Variants in HDAC9 observed in about 807,000 individuals in gnomAD.
HDAC9 encodes MEF-2 interacting transcription repressor (MITR) protein.
In HDAC9, 41 loss-of-function variants were observed where a neutral mutation model predicts 139.4. That is an observed-to-expected ratio of 0.29 (90% confidence interval 0.23 to 0.38). The LOEUF (loss-of-function observed/expected upper bound fraction) is 0.38, where lower values mean the gene tolerates loss of function less well. Among genes scored for constraint, HDAC9 ranks in the 10% least tolerant of loss-of-function variants. The pLI, the probability that HDAC9 is intolerant of heterozygous loss-of-function variation, is 1.00. For synonymous variants in HDAC9, 517 were observed against 476.2 expected (o/e 1.09, Z -1.12); for missense variants, 1,147 against 1,297.0 (o/e 0.88, Z 1.78).
At chr7:18,966,029 GTAT>G (rs1446485780) in intron 24 of HDAC9, among the ~76,000 whole-genome samples, 1 of 152,168 alleles carries the variant, frequency 6.6e-6, no homozygotes, top group African/African-American at 2.4e-5. Flanking sequence ...TCTGAATGAA[GTAT>G]TATTATCTAT....
intron 2 of HDAC9, among the ~76,000 whole-genome samples, chr7:18,276,849 A>G (rs1403325024): frequency 6.6e-6 from 1 of 152,180 alleles, no homozygotes; most frequent in Non-Finnish European, 1.5e-5. Flanking sequence ...TATTTACTAA[A>G]TAAGTTTTCT....
At chr7:18,883,006 G>T (rs1266577786) in intron 22 of HDAC9, among the ~76,000 whole-genome samples, 1 of 152,092 alleles carries the variant, frequency 6.6e-6, no homozygotes, top group East Asian at 1.9e-4. Context: ...ATATCTGTTT[G>T]TATTCCTACT....
chr7:18,241,819 T>G (rs1352255868), intron 2 of HDAC9, among the ~76,000 whole-genome samples: 2 of 152,188 alleles, frequency 1.3e-5, no homozygotes, highest in East Asian at 3.8e-4. Context: ...GTAGTGGCAC[T>G]TGCTTCGTGA....
intron 12 of HDAC9, among the ~76,000 whole-genome samples, chr7:18,688,090 T>C (rs563816398): frequency 4.1e-4 from 63 of 151,954 alleles, no homozygotes; most frequent in African/African-American, 1.5e-3. Context: ...CACACACTTA[T>C]ATATGAGCTA....
intron 1 of HDAC9, among the ~76,000 whole-genome samples, chr7:18,385,403 A>G (rs902191917): frequency 1.3e-5 from 2 of 152,274 alleles, no homozygotes; most frequent in South Asian, 4.1e-4. Context: ...TTAGTATGCT[A>G]GTGAATGTAG....
chr7:18,098,000 T>C (rs888082611), intron 1 of HDAC9, among the ~76,000 whole-genome samples: 1 of 152,202 alleles, frequency 6.6e-6, no homozygotes, highest in Non-Finnish European at 1.5e-5. Context: ...CTGAAAAATG[T>C]CTGAATATTC....
intron 2 of HDAC9, among the ~76,000 whole-genome samples, chr7:18,240,761 C>T (rs1323256337): frequency 6.6e-6 from 1 of 152,212 alleles, no homozygotes; most frequent in Non-Finnish European, 1.5e-5. Context: ...TTTCTGGCCT[C>T]ATCTGTAAAA....
At position 18,793,340 on chromosome 7, in the gene HDAC9, C is replaced by T. The variant is rs370903829; in HGVS notation, c.2215-5C>T. ...GTCTTCGGACTCTGCTGACTGTTTGCTCAGGTGGACAGTGACACCATTTGG... is the reference window on the plus strand; with the variant it reads ...GTCTTCGGACTCTGCTGACTGTTTGTTCAGGTGGACAGTGACACCATTTGG... On this transcript the variant is annotated splice_polypyrimidine_tract_variant and splice_region_variant and intron_variant, in intron 16 of 25. Coordinates refer to ENST00000686413, the MANE Select transcript of HDAC9 (RefSeq NM_178425.4). 5.8e-6 allele frequency: 9 copies of T among 1,559,222 alleles called. No individual in the cohort carries two copies. The highest frequency in any genetic ancestry group is 3.3e-4 in the Middle Eastern group (2 of 5,988).
chr7:18,397,046 C>T (rs564600852), intron 1 of HDAC9, among the ~76,000 whole-genome samples: 11 of 151,970 alleles, frequency 7.2e-5, no homozygotes, highest in African/African-American at 2.2e-4. Flanking sequence ...AGATCATCGT[C>T]GACTCCTATC....
chr7:18,642,727 T>A (rs1375425747), intron 8 of HDAC9, among the ~76,000 whole-genome samples: 1 of 152,080 alleles, frequency 6.6e-6, no homozygotes, highest in African/African-American at 2.4e-5. Flanking sequence ...TCAAAGCCAG[T>A]GTGAGGAGCC....
chr7:18,549,725 T>C (rs1816454023), intron 2 of HDAC9, among the ~76,000 whole-genome samples: 1 of 151,944 alleles, frequency 6.6e-6, no homozygotes, highest in Non-Finnish European at 1.5e-5. Flanking sequence ...AATCTATAAT[T>C]ATTTCAAAAT....
At chr7:18,608,577 A>G (rs1011138484) in intron 6 of HDAC9, among the ~76,000 whole-genome samples, 1 of 152,094 alleles carries the variant, frequency 6.6e-6, no homozygotes, top group Admixed American at 6.6e-5. Flanking sequence ...GTATTCTCAT[A>G]TCATTGTAAT....
intron 2 of HDAC9, among the ~76,000 whole-genome samples, chr7:18,283,527 A>T (rs1362911136): frequency 6.6e-6 from 1 of 152,214 alleles, no homozygotes; most frequent in Non-Finnish European, 1.5e-5. Context: ...AAAGTTTAAC[A>T]GTGGTATGGC....
intron 2 of HDAC9, among the ~76,000 whole-genome samples, chr7:18,179,667 A>G (rs529472370): frequency 9.3e-4 from 141 of 152,300 alleles, no homozygotes; most frequent in Non-Finnish European, 1.7e-3. Flanking sequence ...TTATCTATTA[A>G]TGAGAAATTA....
Position 19,000,545 on chromosome 7 carries a change from G to C in HDAC9, c.*4483G>C, listed in dbSNP as rs978226279. ...TTTTATCTATGATATTCCTGGCTTC[G>C]TATAATGGTTTTGTAAAATACATTA... On this transcript the variant is annotated 3_prime_UTR_variant, in exon 26 of 26. Transcript: ENST00000686413. 1.3e-5 allele frequency: 2 copies of C among 152,128 alleles called. No homozygotes were observed. The highest frequency in any genetic ancestry group is 2.4e-5 in the African/African-American group (1 of 41,430). The allele number at this position is 152,128 out of a possible 1,614,324, so 9.4% of individuals were successfully genotyped here.
At chr7:18,178,076 A>ACCTCCCCTCC (rs978020982) in intron 2 of HDAC9, among the ~76,000 whole-genome samples, 1 of 24,388 alleles carries the variant, frequency 4.1e-5, no homozygotes, top group Non-Finnish European at 7.7e-5. Flanking sequence ...TCCCTCCTCC[A>ACCTCCCCTCC]CCTCCCCTCC....
At chr7:18,209,770 G>C (rs1184309424) in intron 2 of HDAC9, among the ~76,000 whole-genome samples, 1 of 151,162 alleles carries the variant, frequency 6.6e-6, no homozygotes, top group Non-Finnish European at 1.5e-5. Flanking sequence ...GTGTGATCTT[G>C]GCTCACTGTA....
chr7:18,537,896 C>T (rs1255227524), intron 2 of HDAC9, among the ~76,000 whole-genome samples: 1 of 152,196 alleles, frequency 6.6e-6, no homozygotes, highest in Non-Finnish European at 1.5e-5. Context: ...GGTAGACCAG[C>T]AGCTTTCCTA....
intron 2 of HDAC9, among the ~76,000 whole-genome samples, chr7:18,212,790 T>C (rs752972731): frequency 6.6e-6 from 1 of 152,210 alleles, no homozygotes; most frequent in African/African-American, 2.4e-5. Flanking sequence ...AGCTGGAGAC[T>C]AAACCAAAGT....
Sources: gnomAD v4.1 joint callset for allele counts (sites outside exome capture counted in the v4.1 genomes callset) on GRCh38, gnomAD v4.1.1 for gene constraint, MANE v1.5 for transcripts, NCBI Gene and HGNC (gene_info 2026-07-23, HGNC 2026-07-21) for gene names.